PCCB: variants seen among roughly 807,000 people sequenced by gnomAD.
PCCB encodes the protein propionyl-CoA carboxylase subunit beta, also known as propionyl-CoA carboxylase beta chain, mitochondrial.
A neutral mutation model predicts 60.7 loss-of-function variants in PCCB; 43 were observed. The observed-to-expected ratio is 0.71, with a 90% CI of 0.55 to 0.91. The LOEUF (loss-of-function observed/expected upper bound fraction) is 0.91. PCCB is among the 40% of genes least tolerant of loss of function. The pLI is 0.00. For synonymous variants in PCCB, 276 were observed against 255.9 expected, an observed-to-expected ratio of 1.08 and a Z score of -0.75; for missense variants, 766 against 702.8, an observed-to-expected ratio of 1.09 and a Z score of -1.02.
intron 4 of PCCB, among the ~76,000 whole-genome samples, chr3:136,261,527 C>A (rs1415843651): frequency 6.6e-6 from 1 of 152,166 alleles, no homozygotes; most frequent in African/African-American, 2.4e-5. Flanking sequence ...GAAGTAAAAG[C>A]AGGCCCGGGC....
At chr3:136,309,550 A>C (rs1934580584) in intron 9 of PCCB, among the ~76,000 whole-genome samples, 1 of 152,116 alleles carries the variant, frequency 6.6e-6, no homozygotes, top group South Asian at 2.1e-4. Flanking sequence ...CTATAATCCC[A>C]GCACTTTGGG....
chr3:136,300,071 T>C (rs543322036), intron 8 of PCCB, among the ~76,000 whole-genome samples: 5 of 146,538 alleles, frequency 3.4e-5, no homozygotes, highest in East Asian at 3.9e-4. Context: ...TATCAACACA[T>C]ATATGCATAT....
intron 9 of PCCB, among the ~76,000 whole-genome samples, chr3:136,312,631 T>C (rs1208282006): frequency 6.6e-6 from 1 of 152,158 alleles, no homozygotes; most frequent in Non-Finnish European, 1.5e-5. Context: ...AAACTAAATA[T>C]AATCTGTGAA....
rs1351886533 is a variant in PCCB, at chr3:136,309,917, A to G, written c.967-7024A>G. On this transcript the variant is annotated intron_variant, in intron 9 of 14. Coordinates refer to ENST00000251654, the MANE Select transcript of PCCB (RefSeq NM_000532.5). The stretch of plus-strand genomic sequence containing the variant: ...AAGCTTAAATGAACCACCAAATTCC[A>G]CGGAAGGAATTACTTCACCAAAAAG... Among the ~76,000 whole-genome samples the G allele has an allele frequency of 3.3e-5, 5 of 152,142 alleles. No individual in the cohort carries two copies. The East Asian group carries it at 5.8e-4, about 18-fold the overall frequency.
At chr3:136,295,028 G>A (rs985445085) in intron 7 of PCCB, among the ~76,000 whole-genome samples, 1 of 152,224 alleles carries the variant, frequency 6.6e-6, no homozygotes, top group African/African-American at 2.4e-5. Flanking sequence ...CATGGAATTG[G>A]AAGTAGGGCA....
intron 10 of PCCB, 129 bp downstream of exon 10, chr3:136,317,193 A>T: frequency 7.6e-6 from 5 of 658,346 alleles, no homozygotes; most frequent in South Asian, 2.0e-5. Context: ...AAAAATCTAA[A>T]TGGTTGTTAT....
intron 6 of PCCB, among the ~76,000 whole-genome samples, chr3:136,285,481 C>T (rs1933359040): frequency 6.6e-6 from 1 of 152,102 alleles, no homozygotes; most frequent in South Asian, 2.1e-4. Context: ...GTAGCTCTTG[C>T]TGTGTTTCTC....
intron 10 of PCCB, among the ~76,000 whole-genome samples, chr3:136,319,656 C>G (rs1001123782): frequency 2.0e-5 from 3 of 152,142 alleles, no homozygotes; most frequent in Non-Finnish European, 4.4e-5. Flanking sequence ...CCTTGGCCTC[C>G]CAAAGTGCTG....
rs1422527852 is a variant in PCCB, at chr3:136,250,542, A to G, written c.167A>G (p.Asp56Gly). Residue 56 changes from aspartate to glycine, a missense_variant, in exon 1 of 15, where the codon GAC (aspartate) becomes GGC (glycine). Physicochemically the swap from Asp to Gly is moderately conservative, Grantham distance 94. Transcript: ENST00000251654. ...CTGGGAGGGGGCCAACGCCGTATTG[A>G]CGCGCAGCACAAGCGAGTGAGTCCT... ...ALLGGGQRRI[D>G]AQHKRGKLTA... 5.6e-6 allele frequency: 9 copies of G among 1,612,320 alleles called. No homozygotes were observed. The highest frequency in any genetic ancestry group is 2.2e-5 in the East Asian group (1 of 44,872).
At chr3:136,298,145 C>T (rs557564553) in intron 8 of PCCB, 73 bp downstream of exon 8, 3 of 1,597,234 alleles carry the variant, frequency 1.9e-6, no homozygotes, top group Admixed American at 3.3e-5. Flanking sequence ...ACAGGACCCC[C>T]AGGGTCTGCC....
At chr3:136,264,277 A>G (rs1941908746) in intron 5 of PCCB, among the ~76,000 whole-genome samples, 1 of 151,928 alleles carries the variant, frequency 6.6e-6, no homozygotes, top group Non-Finnish European at 1.5e-5. Flanking sequence ...AGAATACAGT[A>G]ATAAAAATCA....
chr3:136,313,796 T>C (rs1934765790), intron 9 of PCCB, among the ~76,000 whole-genome samples: 1 of 152,172 alleles, frequency 6.6e-6, no homozygotes, highest in South Asian at 2.1e-4. Context: ...GTAGGTCTGT[T>C]TTTTGTAGCT....
chr3:136,309,276 A>G (rs545221599), intron 9 of PCCB, among the ~76,000 whole-genome samples: 30 of 151,690 alleles, frequency 2.0e-4, no homozygotes, highest in African/African-American at 3.1e-4. Flanking sequence ...AAAAAAAAAA[A>G]AAAAGAAAAG....
intron 9 of PCCB, among the ~76,000 whole-genome samples, chr3:136,312,988 A>G (rs550860310): frequency 6.6e-6 from 1 of 152,350 alleles, no homozygotes; most frequent in African/African-American, 2.4e-5. Context: ...AAACATGTCA[A>G]AAGATTTTCA....
Position 136,261,990 on chromosome 3 carries a change from TG to T in PCCB, c.471del (p.Leu158Ter). On this transcript the variant is annotated frameshift_variant, in exon 5 of 15. Coordinates refer to ENST00000251654, the MANE Select transcript of PCCB (RefSeq NM_000532.5). LOFTEE classifies it high-confidence loss of function. ...CCATAACGGTGGGGGCTCCAGTGAT[TG>T]GGCTGAATGACTCTGGGGGAGCACG... ...QAITVGAPVI[G>X]LNDSGGARIQ... 1 of 1,562,092 alleles carries T rather than the reference TG, an allele frequency of 6.4e-7. No individual in the cohort carries two copies.
At chr3:136,268,687 C>T (rs1157352378) in intron 5 of PCCB, among the ~76,000 whole-genome samples, 1 of 151,986 alleles carries the variant, frequency 6.6e-6, no homozygotes, top group Non-Finnish European at 1.5e-5. Flanking sequence ...TGGTCTTGAA[C>T]ACCTGATCTC....
intron 9 of PCCB, among the ~76,000 whole-genome samples, chr3:136,303,396 G>T (rs1437651941): frequency 1.6e-5 from 2 of 122,158 alleles, no homozygotes; most frequent in African/African-American, 5.0e-5. Context: ...AGATGATCAT[G>T]TGATTTTCTT....
intron 5 of PCCB, among the ~76,000 whole-genome samples, chr3:136,268,127 T>G (rs1318166433): frequency 7.3e-6 from 1 of 137,372 alleles, no homozygotes; most frequent in Non-Finnish European, 1.5e-5. Flanking sequence ...TATATGTATA[T>G]ATATATATAT....
At chr3:136,298,783 A>G (rs1331975873) in intron 8 of PCCB, among the ~76,000 whole-genome samples, 1 of 152,132 alleles carries the variant, frequency 6.6e-6, no homozygotes, top group Non-Finnish European at 1.5e-5. Context: ...TCCAAATTAT[A>G]AGCACTCACT....
Sources: allele counts gnomAD v4.1 joint callset (sites outside exome capture counted in the v4.1 genomes callset), GRCh38; gene constraint gnomAD v4.1.1; transcripts MANE v1.5; gene names NCBI Gene and HGNC (gene_info 2026-07-23, HGNC 2026-07-21).